SF3B2: variants seen among roughly 807,000 people sequenced by gnomAD.
SF3B2 encodes the protein SAP 145.
In SF3B2, 22 loss-of-function variants were observed where a neutral mutation model predicts 116.3. The ratio of observed to expected loss-of-function variants is 0.19; its 90% CI spans 0.14 to 0.27. The LOEUF is 0.27. SF3B2 is among the 10% of genes least tolerant of loss of function. The pLI, the probability that SF3B2 is intolerant of heterozygous loss-of-function variation, is 1.00. For missense variants in SF3B2, 767 were observed against 1,151.4 expected (o/e 0.67, Z 4.83); for synonymous variants, 406 against 421.6 (o/e 0.96, Z 0.45).
At chr11:66,068,480 C>A in intron 21 of SF3B2, 147 bp downstream of exon 21, 1 of 955,888 alleles carries the variant, frequency 1.0e-6, no homozygotes, top group Non-Finnish European at 1.5e-6. Context: ...TCTTAGAAAT[C>A]CTCCAGTGGG....
intron 19 of SF3B2, chr11:66,066,205 C>G (rs1307216835): frequency 6.6e-6 from 1 of 152,162 alleles, no homozygotes; most frequent in African/African-American, 2.4e-5. Context: ...TGTCTGCTAA[C>G]TCTAACATCT....
At chr11:66,053,252 C>T (rs1327096400) in intron 3 of SF3B2, 148 bp downstream of exon 3, 6 of 780,220 alleles carry the variant, frequency 7.7e-6, no homozygotes, top group Admixed American at 2.0e-5. Flanking sequence ...AAAAAGATTC[C>T]ATATGTTCAG....
intron 19 of SF3B2, chr11:66,066,354 G>C (rs1857183909): frequency 6.6e-6 from 1 of 151,866 alleles, no homozygotes; most frequent in Non-Finnish European, 1.5e-5. Flanking sequence ...GTGTTGCCCA[G>C]GCTGGTCTTG....
rs376059474 is a variant in SF3B2, at chr11:66,055,063, A to T, written c.259-13A>T. 3.6e-5 allele frequency: 54 copies of T among 1,500,588 alleles called. No homozygotes were observed. The highest frequency in any genetic ancestry group is 3.9e-5 in the Non-Finnish European group (44 of 1,123,926). 93.0% of individuals were successfully genotyped at this position (1,500,588 alleles called of 1,614,324 possible). ...AAATGCTTCCTAGTTTTATGATCAT[A>T]TTTTCTCCACAGCTCCCTGGAATTC... On this transcript the variant is annotated splice_polypyrimidine_tract_variant and intron_variant, in intron 3 of 21. Transcript: ENST00000322535.
chr11:66,065,942 G>C (rs1481429943), intron 19 of SF3B2: 5 of 152,092 alleles, frequency 3.3e-5, no homozygotes, highest in Non-Finnish European at 7.4e-5. Flanking sequence ...GCGTGATCTC[G>C]GCTTACTGCA....
rs1466849132 is a variant in SF3B2 at position 66,059,426 on chromosome 11, C to G, written c.1320+88C>G. On this transcript the variant is annotated intron_variant, in intron 11 of 21. Coordinates refer to ENST00000322535, the MANE Select transcript of SF3B2 (RefSeq NM_006842.3). This position sits in a 1 kb window ranked among gnomAD's most constrained non-coding sequence, Gnocchi z 5.0. The stretch of plus-strand genomic sequence containing the variant: ...AGAGAGGGACCATGGTGAACTCTTA[C>G]AGAGCTTTGGTGGCTTAAGGTTGGG... 72 of 1,608,912 alleles carry G rather than the reference C, an allele frequency of 4.5e-5. No homozygotes were observed. Among genetic ancestry groups the G allele is most frequent in the Middle Eastern group, 1.7e-4 (1 of 6,056 alleles).
At chr11:66,058,732 G>C in intron 9 of SF3B2, 98 bp from the exon 10 acceptor site, 1 of 1,068,860 alleles carries the variant, frequency 9.4e-7, no homozygotes. Flanking sequence ...AAGCCTGACT[G>C]TTGAACTGTG....
chr11:66,067,250 A>G (rs1195789207), intron 19 of SF3B2: 3 of 364,560 alleles, frequency 8.2e-6, no homozygotes, highest in Non-Finnish European at 1.6e-5. Context: ...GGGCTTGGGT[A>G]AGGGACCAGG....
chr11:66,062,424 G>T (rs1857114115), intron 16 of SF3B2, among the ~76,000 whole-genome samples: 1 of 151,416 alleles, frequency 6.6e-6, no homozygotes, highest in Non-Finnish European at 1.5e-5. Flanking sequence ...ATCCCTTGGG[G>T]CCAGGGGTTT....
chr11:66,059,815 G>A lies in SF3B2; in HGVS notation c.1435G>A (p.Asp479Asn). The change falls in exon 13 of 22, where the codon GAT (aspartate) becomes AAT (asparagine). Residue 479 changes from aspartate (D) to asparagine (N), a missense_variant. Asp to Asn is a conservative substitution (Grantham distance 23). This residue lies in a region of SF3B2 where 282 missense variants were observed against 568.0 expected (regional missense o/e 0.50). Coordinates refer to ENST00000322535, the MANE Select transcript of SF3B2 (RefSeq NM_006842.3). The surrounding 1 kb of genome is among the most constrained non-coding windows in gnomAD (Gnocchi z 5.0). Reference sequence around the variant, plus strand: ...TCGGCCCGATGTCGTGGAGATGCACGATGTGACAGCGCAGGACCCTAAGCT... The same window carrying A: ...TCGGCCCGATGTCGTGGAGATGCACAATGTGACAGCGCAGGACCCTAAGCT... ...VARPDVVEMH[D>N]VTAQDPKLLV... 1.2e-6 allele frequency: 2 copies of A among 1,614,218 alleles called. No individual in the cohort carries two copies. The highest frequency in any genetic ancestry group is 1.7e-6 in the Non-Finnish European group (2 of 1,180,046).
chr11:66,059,454 G>A lies in SF3B2; in HGVS notation c.1321-61G>A. 6.2e-7 allele frequency: 1 copy of A among 1,608,316 alleles called. No individual in the cohort carries two copies. Among genetic ancestry groups the A allele is most frequent in the African/African-American group, 1.3e-5 (1 of 74,828 alleles). ...AGCTTTGGTGGCTTAAGGTTGGGGT[G>A]GGTTGGGCAGTTTCATTCACATCTG... is the stretch of plus-strand genomic sequence containing the variant. On this transcript the variant is annotated intron_variant, in intron 11 of 21. Transcript: ENST00000322535. This position sits in a 1 kb window ranked among gnomAD's most constrained non-coding sequence, Gnocchi z 5.0.
In SF3B2 at chr11:66,063,154, T is replaced by C. The variant is rs1477200138; in HGVS notation, c.2085+38T>C. ...TACTAGCGATCTTGGTTTTACTTAA[T>C]GTCATGAAGGTTAGATTGTTGGTTT... On this transcript the variant is annotated intron_variant, in intron 17 of 21. Transcript: ENST00000322535. The C allele has an allele frequency of 2.0e-6, 3 of 1,465,262 alleles. No individual in the cohort carries two copies. In the Admixed American group the frequency reaches 5.2e-5, roughly 25 times the overall value. 90.8% of individuals were successfully genotyped at this position (1,465,262 alleles called of 1,614,324 possible). A position where few individuals can be genotyped will look rare whatever the true frequency, so the allele number is the denominator to read the frequency against.
chr11:66,058,876 G>A lies in SF3B2; in HGVS notation c.1013G>A (p.Arg338Gln), dbSNP rs772365912. 1.7e-5 allele frequency: 27 copies of A among 1,613,682 alleles called. No individual in the cohort carries two copies. Among genetic ancestry groups the A allele is most frequent in the Admixed American group, 1.2e-4 (7 of 59,988 alleles). Residue 338 changes from arginine (R) to glutamine (Q), a missense_variant, in exon 10 of 22, where the codon CGG becomes CAG. Transcript: ENST00000322535. ...RNRKKKKKPQ[R>Q]VRGVSSESSG... The stretch of plus-strand genomic sequence containing the variant: ...CGAAAGAAGAAGAAAAAGCCCCAGC[G>A]GGTGCGAGGGGTGTCCTCTGAGAGC...
In SF3B2 at chr11:66,059,987, T is replaced by TG. The variant is rs1387251840; in HGVS notation, c.1608dup (p.Arg537AlafsTer24). On this transcript the variant is annotated frameshift_variant, in exon 13 of 22. Coordinates refer to ENST00000322535, the MANE Select transcript of SF3B2 (RefSeq NM_006842.3). LOFTEE classifies it high-confidence loss of function. The surrounding 1 kb of genome is among the most constrained non-coding windows in gnomAD (Gnocchi z 5.0). ...ATCAAACGCACAGGCATCCAGGAGA[T>TG]GCGAGAGGCCCTGCAGGAGAAGGTG... 1.2e-6 allele frequency: 2 copies of TG among 1,613,968 alleles called. No homozygotes were observed. The highest frequency in any genetic ancestry group is 2.7e-5 in the African/African-American group (2 of 74,934).
intron 16 of SF3B2, among the ~76,000 whole-genome samples, chr11:66,062,588 TA>T (rs942834430): frequency 1.8e-4 from 28 of 152,094 alleles, no homozygotes; most frequent in Admixed American, 1.3e-3. Flanking sequence ...AAATAAGCAT[TA>T]AAAAAATTGA....
At chr11:66,060,828 C>A in intron 14 of SF3B2, 97 bp downstream of exon 14, 1 of 1,335,330 alleles carries the variant, frequency 7.5e-7, no homozygotes, top group Non-Finnish European at 1.0e-6. Flanking sequence ...AAGATGGAGT[C>A]TCACCCTGTT....
At position 66,062,005 on chromosome 11, in the gene SF3B2, A is replaced by C. The variant is rs780126027; in HGVS notation, c.1977+7A>C. On this transcript the variant is annotated splice_region_variant and intron_variant, in intron 16 of 21. Coordinates refer to ENST00000322535, the MANE Select transcript of SF3B2 (RefSeq NM_006842.3). ...GAACTCGCCCATCCCTGAGGTGAGC[A>C]TTGTCCTTTCGTTCATTCTTGGCCA... 1.2e-6 allele frequency: 2 copies of C among 1,601,540 alleles called. No individual in the cohort carries two copies. Among genetic ancestry groups the C allele is most frequent in the Middle Eastern group, 1.7e-4 (1 of 6,036 alleles).
Position 66,058,952 on chromosome 11 carries a change from A to G in SF3B2, c.1089A>G (p.Pro363=), listed in dbSNP as rs1343688093. Residue 363 remains proline, a synonymous_variant, in exon 10 of 22, where the codon CCA becomes CCG. Transcript: ENST00000322535. ...CCCGGTCCCGTGGCTCTGATTCCCCAGCAGCTGATGTTGAGATTGAGTATG... is the reference window on the plus strand; with the variant it reads ...CCCGGTCCCGTGGCTCTGATTCCCCGGCAGCTGATGTTGAGATTGAGTATG... ...DSTRSRGSDS[P]AADVEIEYVT... 1.2e-6 allele frequency: 2 copies of G among 1,614,124 alleles called. No homozygotes were observed. The highest frequency in any genetic ancestry group is 1.7e-5 in the Admixed American group (1 of 60,026).
Position 66,053,074 on chromosome 11 carries a change from C to A in SF3B2, c.228C>A (p.Asp76Glu), listed in dbSNP as rs752463132. The A allele has an allele frequency of 6.2e-7, 1 of 1,613,992 alleles. No individual in the cohort carries two copies. Among genetic ancestry groups the A allele is most frequent in the Non-Finnish European group, 8.5e-7 (1 of 1,180,026 alleles). ...CGGTTTTGAGAGGGGAAGATGGGGA[C>A]AAAGCCGCTCCACCTCCCATGTCGG... ...NRPVLRGEDG[D>E]KAAPPPMSAQ... Residue 76 changes from aspartate to glutamate, a missense_variant, in exon 3 of 22, where the codon GAC becomes GAA. By Grantham distance (45) the Asp-to-Glu change is conservative (BLOSUM62 2). This residue lies in a region of SF3B2 where 455 missense variants were observed against 537.5 expected (regional missense o/e 0.85). Coordinates refer to ENST00000322535, the MANE Select transcript of SF3B2 (RefSeq NM_006842.3).
Sources: gnomAD v4.1 joint callset for allele counts (sites outside exome capture counted in the v4.1 genomes callset) on GRCh38, gnomAD v4.1.1 for gene constraint, gnomAD v4.1.1 regional missense constraint, Gnocchi (gnomAD v3.1) non-coding constraint, MANE v1.5 for transcripts, NCBI Gene and HGNC (gene_info 2026-07-23, HGNC 2026-07-21) for gene names.